PDZRN4: variants seen among roughly 807,000 people sequenced by gnomAD.
PDZRN4 encodes the protein PDZ domain containing ring finger 4, also known as PDZ domain-containing RING finger protein 4.
In PDZRN4, 70 loss-of-function variants were observed where a neutral mutation model predicts 99.0. That is an observed-to-expected ratio of 0.71 (90% CI 0.58 to 0.86). PDZRN4 has a LOEUF of 0.86. Among genes scored for constraint, PDZRN4 ranks in the 40% least tolerant of loss-of-function variants. The pLI is 0.00. For synonymous variants in PDZRN4, 551 were observed against 501.6 expected (o/e 1.10, Z -1.32); for missense variants, 1,474 against 1,331.2 (o/e 1.11, Z -1.67).
intron 3 of PDZRN4, among the ~76,000 whole-genome samples, chr12:41,273,907 T>C (rs1398980464): frequency 6.6e-6 from 1 of 152,064 alleles, no homozygotes; most frequent in Non-Finnish European, 1.5e-5. Context: ...CATTATCATT[T>C]ATCATTTTTC....
chr12:41,447,495 A>T (rs916484192), intron 3 of PDZRN4, among the ~76,000 whole-genome samples: 3 of 152,150 alleles, frequency 2.0e-5, no homozygotes, highest in African/African-American at 7.2e-5. Context: ...ACTTAACTTC[A>T]TTGAGCCTCT....
At chr12:41,237,893 G>T (rs1368004564) in intron 3 of PDZRN4, among the ~76,000 whole-genome samples, 2 of 152,038 alleles carry the variant, frequency 1.3e-5, no homozygotes, top group Non-Finnish European at 2.9e-5. Flanking sequence ...GTTTGAAGTT[G>T]GGTAGCGTGA....
intron 3 of PDZRN4, chr12:41,412,479 G>C (rs1312515842): frequency 1.3e-5 from 2 of 152,230 alleles, no homozygotes; most frequent in Non-Finnish European, 2.9e-5. Flanking sequence ...GTTAAAAGTT[G>C]GGAGTTCTCT....
chr12:41,344,558 A>G (rs1250417565), intron 3 of PDZRN4, among the ~76,000 whole-genome samples: 1 of 151,916 alleles, frequency 6.6e-6, no homozygotes, highest in Admixed American at 6.6e-5. Flanking sequence ...AAAAAAGAAA[A>G]AACAACTTTC....
chr12:41,386,758 T>C (rs1366547448), intron 3 of PDZRN4, among the ~76,000 whole-genome samples: 1 of 152,074 alleles, frequency 6.6e-6, no homozygotes, highest in East Asian at 1.9e-4. Flanking sequence ...AACAGGGTGG[T>C]ACTGGAACAA....
At position 41,501,839 on chromosome 12, in the gene PDZRN4, C is replaced by T. The variant is rs11180968; in HGVS notation, c.844-4617C>T. On this transcript the variant is annotated intron_variant, in intron 3 of 9. Coordinates refer to ENST00000402685, the MANE Select transcript of PDZRN4 (RefSeq NM_001164595.2). ...GATAAGTGCAGGGATGAGGCGAAGACCTTCTCAGAAAATGGTTTCCTATGA... is the reference window on the plus strand; with the variant it reads ...GATAAGTGCAGGGATGAGGCGAAGATCTTCTCAGAAAATGGTTTCCTATGA... Among the ~76,000 whole-genome samples, 793 of 152,170 alleles carry T rather than the reference C, an allele frequency of 5.2e-3. 40 individuals are homozygous for T. In the East Asian group the frequency reaches 0.12, roughly 24 times the overall value.
rs545702905 is a variant in PDZRN4, at chr12:41,301,946, T to G, written c.843+107758T>G. ...TTAATTTTCAAATCTGTTGATGTCA[T>G]TATATGAGATAAAGCATTTTAAATA... On this transcript the variant is annotated intron_variant, in intron 3 of 9. Coordinates refer to ENST00000402685, the MANE Select transcript of PDZRN4 (RefSeq NM_001164595.2). Among the ~76,000 whole-genome samples, 4 of 152,236 alleles carry G rather than the reference T, an allele frequency of 2.6e-5. No individual in the cohort carries two copies. In the South Asian group the frequency reaches 8.3e-4, roughly 32 times the overall value.
At chr12:41,288,053 T>C (rs1390623704) in intron 3 of PDZRN4, among the ~76,000 whole-genome samples, 8 of 152,328 alleles carry the variant, frequency 5.3e-5, no homozygotes, top group African/African-American at 1.7e-4. Context: ...ACGTGATGTA[T>C]TGATGTGTAT....
intron 3 of PDZRN4, among the ~76,000 whole-genome samples, chr12:41,316,494 G>GTGTA (rs1555128763): frequency 6.9e-6 from 1 of 145,518 alleles, no homozygotes; most frequent in Non-Finnish European, 1.5e-5. Flanking sequence ...GTGTGTGTGT[G>GTGTA]TATAAAATAA....
At chr12:41,268,295 C>T (rs889068250) in intron 3 of PDZRN4, among the ~76,000 whole-genome samples, 63 of 152,154 alleles carry the variant, frequency 4.1e-4, no homozygotes, top group Admixed American at 4.1e-3. Context: ...CCAGACGAGG[C>T]CAGATCTCAC....
intron 3 of PDZRN4, among the ~76,000 whole-genome samples, chr12:41,306,019 C>T (rs1220709176): frequency 1.3e-5 from 2 of 152,172 alleles, no homozygotes; most frequent in African/African-American, 4.8e-5. Flanking sequence ...AGGCATAGTA[C>T]AGGCATTCTC....
chr12:41,273,213 TC>T (rs1179874312), intron 3 of PDZRN4, among the ~76,000 whole-genome samples: 3 of 152,046 alleles, frequency 2.0e-5, no homozygotes, highest in Non-Finnish European at 4.4e-5. Context: ...TCAAAGAGGC[TC>T]AGTTTCTTCT....
intron 3 of PDZRN4, among the ~76,000 whole-genome samples, chr12:41,350,855 C>A (rs1275593213): frequency 6.6e-6 from 1 of 151,504 alleles, no homozygotes; most frequent in Non-Finnish European, 1.5e-5. Context: ...TTGTCTGACC[C>A]AGAAGCAGCC....
At chr12:41,258,267 T>C (rs962939349) in intron 3 of PDZRN4, among the ~76,000 whole-genome samples, 5 of 152,356 alleles carry the variant, frequency 3.3e-5, no homozygotes, top group Middle Eastern at 3.4e-3. Flanking sequence ...AAAATATTTA[T>C]ATCTTGTTTA....
chr12:41,323,150 T>TA (rs966945933), intron 3 of PDZRN4, among the ~76,000 whole-genome samples: 1 of 152,174 alleles, frequency 6.6e-6, no homozygotes, highest in African/African-American at 2.4e-5. Flanking sequence ...CCCAGCAGGA[T>TA]AAAGTTCTCT....
At chr12:41,300,642 A>G (rs550837731) in intron 3 of PDZRN4, among the ~76,000 whole-genome samples, 1 of 152,078 alleles carries the variant, frequency 6.6e-6, no homozygotes, top group African/African-American at 2.4e-5. Flanking sequence ...TGTGTACATT[A>G]AGGAAATAAA....
At chr12:41,364,488 A>T (rs1951984166) in intron 3 of PDZRN4, among the ~76,000 whole-genome samples, 1 of 152,114 alleles carries the variant, frequency 6.6e-6, no homozygotes, top group East Asian at 1.9e-4. Flanking sequence ...CACTTCATTT[A>T]TTCAACTAGT....
Position 41,294,239 on chromosome 12 carries a change from C to T in PDZRN4, c.843+100051C>T, listed in dbSNP as rs144376331. On this transcript the variant is annotated intron_variant, in intron 3 of 9. Coordinates refer to ENST00000402685, the MANE Select transcript of PDZRN4 (RefSeq NM_001164595.2). ...AAGTCAGGCAGACCTGGGTGCAAGT[C>T]CTGCCTTTAACACCCTCGTTGTGCA... is the stretch of plus-strand genomic sequence containing the variant. Among the ~76,000 whole-genome samples the T allele has an allele frequency of 1.9e-3, 289 of 152,256 alleles. 2 individuals carry two copies. The highest frequency in any genetic ancestry group is 3.3e-3 in the Non-Finnish European group (222 of 68,026).
At chr12:41,451,225 T>C (rs1023677139) in intron 3 of PDZRN4, among the ~76,000 whole-genome samples, 1 of 151,698 alleles carries the variant, frequency 6.6e-6, no homozygotes, top group Non-Finnish European at 1.5e-5. Context: ...ATAGACTAAA[T>C]GGCTTAATTT....
Sources: allele counts gnomAD v4.1 joint callset (sites outside exome capture counted in the v4.1 genomes callset), GRCh38; gene constraint gnomAD v4.1.1; transcripts MANE v1.5; gene names NCBI Gene and HGNC (gene_info 2026-07-23, HGNC 2026-07-21).